GSTA1: variants seen among roughly 807,000 people sequenced by gnomAD.
GSTA1 encodes glutathione S-transferase A1.
GSTA1 carries 23 observed loss-of-function variants against 21.5 expected under a neutral mutation model. The observed-to-expected ratio is 1.07, with a 90% CI of 0.77 to 1.52. The LOEUF is 1.52. Among genes scored for constraint, GSTA1 ranks in the 40% most tolerant of loss-of-function variants. The probability of loss-of-function intolerance (pLI) is 0.00; values close to 1 mark genes in which losing one functional copy is unlikely to be tolerated. For missense variants in GSTA1, 301 were observed against 264.2 expected, an observed-to-expected ratio of 1.14 and a Z score of -0.96; for synonymous variants, 125 against 90.0, an observed-to-expected ratio of 1.39 and a Z score of -2.20.
intron 5 of GSTA1, among the ~76,000 whole-genome samples, chr6:52,793,340 G>A (rs1175892554): frequency 1.3e-5 from 2 of 152,126 alleles, no homozygotes; most frequent in African/African-American, 4.8e-5. Context: ...CATTCAGGAT[G>A]TGGCTCTACA....
rs373523033 is a variant in GSTA1 at position 52,796,207 on chromosome 6, C to A, written c.247G>T (p.Gly83Trp). ...NYIASKYNLY[G>W]KDIKERALID... ...AGGGCTCTCTCCTTTATGTCTTTCC[C>A]ATAGAGGTTGTATTTGCTGGCAATG... is the stretch of plus-strand genomic sequence containing the variant. The change falls in exon 4 of 7, where the codon GGG becomes TGG. Residue 83 changes from glycine to tryptophan, a missense_variant. Physicochemically the swap from Gly to Trp is radical, Grantham distance 184. Transcript: ENST00000334575. 1.2e-6 allele frequency: 2 copies of A among 1,613,706 alleles called. No individual in the cohort carries two copies. Among genetic ancestry groups the A allele is most frequent in the Non-Finnish European group, 1.7e-6 (2 of 1,179,906 alleles).
intron 1 of GSTA1, among the ~76,000 whole-genome samples, chr6:52,803,105 G>A (rs996369098): frequency 3.9e-5 from 6 of 152,030 alleles, no homozygotes; most frequent in African/African-American, 1.2e-4. Context: ...GGGAAAGGGG[G>A]TTACAAATCA....
intron 4 of GSTA1, 64 bp from the exon 5 acceptor site, chr6:52,794,330 A>T (rs1763528683): frequency 6.6e-7 from 1 of 1,521,552 alleles, no homozygotes; most frequent in African/African-American, 1.4e-5. Flanking sequence ...GGTTTATAAA[A>T]ACCTAAGGGA....
intron 3 of GSTA1, among the ~76,000 whole-genome samples, chr6:52,796,854 A>G (rs1341011571): frequency 6.6e-6 from 1 of 152,022 alleles, no homozygotes; most frequent in Non-Finnish European, 1.5e-5. Flanking sequence ...CAACATTTTT[A>G]AAAAGCTTCC....
intron 5 of GSTA1, among the ~76,000 whole-genome samples, chr6:52,793,464 C>G (rs1464216446): frequency 6.6e-6 from 1 of 152,156 alleles, no homozygotes; most frequent in Non-Finnish European, 1.5e-5. Flanking sequence ...CTGCTCTCCT[C>G]ATTCCCTGCT....
At chr6:52,803,537 G>T (rs1263857741) in intron 1 of GSTA1, among the ~76,000 whole-genome samples, 4 of 151,896 alleles carry the variant, frequency 2.6e-5, no homozygotes, top group East Asian at 3.9e-4. Context: ...TCATGTCATT[G>T]TTTCCCATAC....
At chr6:52,800,232 C>T (rs1407302000) in intron 1 of GSTA1, among the ~76,000 whole-genome samples, 1 of 152,168 alleles carries the variant, frequency 6.6e-6, no homozygotes, top group Non-Finnish European at 1.5e-5. Flanking sequence ...TTGTTATTCT[C>T]ATTTTACATT....
intron 5 of GSTA1, among the ~76,000 whole-genome samples, chr6:52,793,534 T>C (rs567583611): frequency 6.6e-6 from 1 of 152,312 alleles, no homozygotes; most frequent in South Asian, 2.1e-4. Context: ...TCTTACAGCA[T>C]TGACTCTCAC....
Position 52,792,996 on chromosome 6 carries a change from T to C in GSTA1, c.415-9A>G. The C allele has an allele frequency of 6.2e-7, 1 of 1,613,946 alleles. No homozygotes were observed. The highest frequency in any genetic ancestry group is 8.5e-7 in the Non-Finnish European group (1 of 1,179,920). ...CCATGGCTCTTTAAGACCTGGAGAA[T>C]GGGAGGAATCAGATCAGGAACACAT... is the stretch of plus-strand genomic sequence containing the variant. On this transcript the variant is annotated splice_polypyrimidine_tract_variant and intron_variant, in intron 5 of 6. Transcript: ENST00000334575.
chr6:52,802,736 T>C (rs188212489), intron 1 of GSTA1, among the ~76,000 whole-genome samples: 145 of 152,328 alleles, frequency 9.5e-4, no homozygotes, highest in African/African-American at 3.4e-3. Flanking sequence ...TCATCTATTA[T>C]CTGTCTTGTA....
chr6:52,794,143 G>A lies in GSTA1; in HGVS notation c.396C>T (p.Tyr132=), dbSNP rs1423759769. ...ALIKEKIKNR[Y]FPAFEKVLKS... ...CACTTACTTTTTCAAAGGCAGGGAAGTAGCGATTTTTTATTTTCTCTTTGA... is the reference window on the plus strand; with the variant it reads ...CACTTACTTTTTCAAAGGCAGGGAAATAGCGATTTTTTATTTTCTCTTTGA... The change falls in exon 5 of 7, where the codon TAC becomes TAT. Residue 132 remains tyrosine, a synonymous_variant. Transcript: ENST00000334575. 1.9e-6 allele frequency: 3 copies of A among 1,613,888 alleles called. 1 individual carries two copies. Among genetic ancestry groups the A allele is most frequent in the Non-Finnish European group, 1.7e-6 (2 of 1,179,906 alleles).
intron 6 of GSTA1, 59 bp from the exon 7 acceptor site, chr6:52,792,039 T>C (rs2127299989): frequency 2.5e-6 from 4 of 1,604,180 alleles, no homozygotes; most frequent in Non-Finnish European, 8.5e-7. Flanking sequence ...ACCATTAACA[T>C]GACCCAGGGA....
Position 52,794,194 on chromosome 6 carries a change from C to T in GSTA1, c.345G>A (p.Glu115=), listed in dbSNP as rs149877285. The change falls in exon 5 of 7, where the codon GAG becomes GAA. Residue 115 remains glutamate (E), a synonymous_variant. Transcript: ENST00000334575. ...TCAAGGCAAGCTTGGCATCTTTTTCCTCAGGTGGACATACGGGCAGAAGGA... is the reference window on the plus strand; with the variant it reads ...TCAAGGCAAGCTTGGCATCTTTTTCTTCAGGTGGACATACGGGCAGAAGGA... ...MILLLPVCPP[E]EKDAKLALIK... The T allele has an allele frequency of 2.0e-4, 316 of 1,614,000 alleles. No homozygotes were observed. Among genetic ancestry groups the T allele is most frequent in the Non-Finnish European group, 2.5e-4 (298 of 1,179,894 alleles).
rs1198119472 is a variant in GSTA1, at chr6:52,799,190, A to G, written c.78T>C (p.Ala26=). ...CTAACTCAGAACCTACCTCTACTCC[A>G]GCTGCAGCCAGGAGCCACCGGGTGG... The part of the protein sequence containing the change: ...MESTRWLLAA[A]GVEFEEKFIK... The change falls in exon 2 of 7, where the codon GCT becomes GCC. Residue 26 remains alanine (A), a synonymous_variant. Coordinates refer to ENST00000334575, the MANE Select transcript of GSTA1 (RefSeq NM_145740.5). 2 of 1,613,716 alleles carry G rather than the reference A, an allele frequency of 1.2e-6. No individual in the cohort carries two copies. The highest frequency in any genetic ancestry group is 1.3e-5 in the African/African-American group (1 of 74,888).
chr6:52,802,257 A>G (rs1763735974), intron 1 of GSTA1, among the ~76,000 whole-genome samples: 1 of 152,202 alleles, frequency 6.6e-6, no homozygotes, highest in Non-Finnish European at 1.5e-5. Context: ...TTCCAGGAGT[A>G]AATTAAAGGA....
Position 52,794,246 on chromosome 6 carries a change from C to T in GSTA1, c.293G>A (p.Gly98Asp), listed in dbSNP as rs781359612. The part of the protein sequence containing the change: ...ERALIDMYIE[G>D]IADLGEMILL... ...GATCATTTCACCCAAATCTGCTATA[C>T]CTTCTATATACATATCAATCCTGAA... Residue 98 changes from glycine to aspartate, a missense_variant, in exon 5 of 7, where the codon GGT becomes GAT. By Grantham distance (94) the Gly-to-Asp change is moderately conservative. Transcript: ENST00000334575. The T allele has an allele frequency of 4.3e-6, 7 of 1,613,498 alleles. No homozygotes were observed. Among genetic ancestry groups the T allele is most frequent in the Non-Finnish European group, 5.9e-6 (7 of 1,179,486 alleles).
rs1334358098 is a variant in GSTA1 at position 52,799,315 on chromosome 6, T to G, written c.-30-18A>C. On this transcript the variant is annotated intron_variant, in intron 1 of 6. Coordinates refer to ENST00000334575, the MANE Select transcript of GSTA1 (RefSeq NM_145740.5). ...CTCTAAGCCTGAATGAATGAATGAA[T>G]GAATGAATAATTGAAACGATAGAAT... 6.9e-7 allele frequency: 1 copy of G among 1,458,374 alleles called. No individual in the cohort carries two copies. Among genetic ancestry groups the G allele is most frequent in the African/African-American group, 1.4e-5 (1 of 70,814 alleles). The allele number at this position is 1,458,374 out of a possible 1,614,324, so 90.3% of individuals were successfully genotyped here.
chr6:52,802,630 T>C (rs1404713897), intron 1 of GSTA1, among the ~76,000 whole-genome samples: 1 of 152,210 alleles, frequency 6.6e-6, no homozygotes, highest in African/African-American at 2.4e-5. Flanking sequence ...TCTATGTATA[T>C]GTATCTATTT....
intron 5 of GSTA1, among the ~76,000 whole-genome samples, chr6:52,793,556 A>T (rs1763508332): frequency 6.6e-6 from 1 of 152,142 alleles, no homozygotes; most frequent in Non-Finnish European, 1.5e-5. Context: ...CCCAACTGGC[A>T]CTATGTTATA....
Sources: allele counts gnomAD v4.1 joint callset (sites outside exome capture counted in the v4.1 genomes callset), GRCh38; gene constraint gnomAD v4.1.1; transcripts MANE v1.5; gene names NCBI Gene and HGNC (gene_info 2026-07-23, HGNC 2026-07-21).